TMEM178B: variants seen among roughly 807,000 people sequenced by gnomAD.
TMEM178B encodes the protein transmembrane protein 178B.
In TMEM178B, 5 loss-of-function variants were observed where a neutral mutation model predicts 31.0. The observed-to-expected ratio is 0.16, with a 90% CI of 0.08 to 0.34. The LOEUF (loss-of-function observed/expected upper bound fraction) is 0.34, where lower values mean the gene tolerates loss of function less well. Among genes scored for constraint, TMEM178B ranks in the 10% least tolerant of loss-of-function variants. The pLI, the probability that TMEM178B is intolerant of heterozygous loss-of-function variation, is 1.00. For synonymous variants in TMEM178B, 164 were observed against 164.0 expected, an observed-to-expected ratio of 1.00 and a Z score of 0.00; for missense variants, 275 against 400.3, an observed-to-expected ratio of 0.69 and a Z score of 2.67.
chr7:141,127,485 A>C (rs1034513074), intron 1 of TMEM178B, among the ~76,000 whole-genome samples: 5 of 152,184 alleles, frequency 3.3e-5, no homozygotes, highest in South Asian at 4.2e-4. Flanking sequence ...CCACAGAAGT[A>C]CAGAGACACA....
At chr7:141,488,375 T>C in the TMEM178B span, among the ~76,000 whole-genome samples, 1 of 152,240 alleles carries the variant, frequency 6.6e-6, no homozygotes, top group African/African-American at 2.4e-5. Context: ...TTAGCTATTT[T>C]GGAGGCCAAG....
intron 1 of TMEM178B, among the ~76,000 whole-genome samples, chr7:141,210,782 T>C (rs1409124247): frequency 5.9e-5 from 9 of 152,114 alleles, no homozygotes; most frequent in African/African-American, 1.9e-4. Flanking sequence ...GTCCCTCCTA[T>C]CTCGTAAGTC....
chr7:141,413,096 A>C (rs888528904), intron 2 of TMEM178B, among the ~76,000 whole-genome samples: 2 of 152,216 alleles, frequency 1.3e-5, no homozygotes, highest in Non-Finnish European at 2.9e-5. Context: ...TGGTCCGCCA[A>C]CCATGAATTT....
At chr7:141,501,734 C>T in the TMEM178B span, among the ~76,000 whole-genome samples, 1 of 152,208 alleles carries the variant, frequency 6.6e-6, no homozygotes, top group Non-Finnish European at 1.5e-5. Flanking sequence ...GGACTCAAGT[C>T]GCAACATTAA....
At position 141,220,268 on chromosome 7, in the gene TMEM178B, G is replaced by A. The variant is rs188519270; in HGVS notation, c.496+7564G>A. ...GTGGAGTTTGCAGTGAGTGGAGCTC[G>A]TGCTGCTTTACTTCAGCCTGGGTGA... On this transcript the variant is annotated intron_variant, in intron 2 of 3. Coordinates refer to ENST00000565468, the MANE Select transcript of TMEM178B (RefSeq NM_001195278.2). Among the ~76,000 whole-genome samples the A allele has an allele frequency of 1.8e-3, 272 of 151,558 alleles. 1 individual carries two copies. Among genetic ancestry groups the A allele is most frequent in the African/African-American group, 6.2e-3 (255 of 41,288 alleles).
In TMEM178B at chr7:141,444,306, G is replaced by A. The variant is rs548414998; in HGVS notation, c.634+6561G>A. 7.9e-5 allele frequency among the ~76,000 whole-genome samples: 12 copies of A among 152,148 alleles called. No individual in the cohort carries two copies. In the South Asian group the frequency reaches 1.7e-3, roughly 21 times the overall value. Reference sequence around the variant, plus strand: ...CCTTCCCTAAGGTATCACTAATGTCGGGAACAATGTCTGTGCTCTTAATAA... The same window carrying A: ...CCTTCCCTAAGGTATCACTAATGTCAGGAACAATGTCTGTGCTCTTAATAA... On this transcript the variant is annotated intron_variant, in intron 3 of 3. Coordinates refer to ENST00000565468, the MANE Select transcript of TMEM178B (RefSeq NM_001195278.2).
intron 3 of TMEM178B, among the ~76,000 whole-genome samples, chr7:141,443,890 G>C (rs1034420944): frequency 6.6e-6 from 1 of 152,056 alleles, no homozygotes; most frequent in African/African-American, 2.4e-5. Flanking sequence ...TTACACTTTG[G>C]GTTTAATCCA....
chr7:141,282,502 T>G (rs1798382763), intron 2 of TMEM178B, among the ~76,000 whole-genome samples: 1 of 152,170 alleles, frequency 6.6e-6, no homozygotes, highest in South Asian at 2.1e-4. Context: ...TCACACCATA[T>G]CCCTGAGGGT....
intron 1 of TMEM178B, among the ~76,000 whole-genome samples, chr7:141,142,153 GGT>G (rs1397682826): frequency 0.061 from 9,248 of 152,172 alleles, 946 homozygotes; most frequent in African/African-American, 0.21. Context: ...TGCAGTGTTT[GGT>G]TTTCTATTCC....
chr7:141,161,970 G>A (rs1328154226), intron 1 of TMEM178B, among the ~76,000 whole-genome samples: 2 of 152,114 alleles, frequency 1.3e-5, no homozygotes, highest in Non-Finnish European at 2.9e-5. Flanking sequence ...GAGAGTGTGT[G>A]TGTCTGTGTG....
At chr7:141,441,682 A>T (rs1387672049) in intron 3 of TMEM178B, among the ~76,000 whole-genome samples, 1 of 152,172 alleles carries the variant, frequency 6.6e-6, no homozygotes, top group Non-Finnish European at 1.5e-5. Flanking sequence ...AGTTCAAGAG[A>T]TGAAATTGCA....
At chr7:141,209,562 G>A (rs1352103260) in intron 1 of TMEM178B, among the ~76,000 whole-genome samples, 1 of 152,188 alleles carries the variant, frequency 6.6e-6, no homozygotes, top group Non-Finnish European at 1.5e-5. Context: ...TGTGCTAGGG[G>A]CTGGGAAGAT....
chr7:141,367,857 C>A (rs2116560631), intron 2 of TMEM178B, among the ~76,000 whole-genome samples: 1 of 152,008 alleles, frequency 6.6e-6, no homozygotes, highest in African/African-American at 2.4e-5. Context: ...GGGTTCCAAG[C>A]AGAGGAAAGC....
chr7:141,261,186 G>T (rs1422016933), intron 2 of TMEM178B, among the ~76,000 whole-genome samples: 1 of 152,144 alleles, frequency 6.6e-6, no homozygotes, highest in East Asian at 1.9e-4. Context: ...TTTGTTTGGG[G>T]CACAAAGTTT....
chr7:141,172,011 C>T (rs1192745959), intron 1 of TMEM178B, among the ~76,000 whole-genome samples: 2 of 152,144 alleles, frequency 1.3e-5, no homozygotes, highest in African/African-American at 4.8e-5. Context: ...GAGACAGGCA[C>T]CGTAGTAGGT....
chr7:141,359,523 T>C (rs184936872), intron 2 of TMEM178B, among the ~76,000 whole-genome samples: 2 of 152,356 alleles, frequency 1.3e-5, no homozygotes, highest in East Asian at 1.9e-4. Flanking sequence ...ATCGTGATGA[T>C]AAGCTATTCT....
At chr7:141,381,788 A>G (rs1276709141) in intron 2 of TMEM178B, among the ~76,000 whole-genome samples, 1 of 151,986 alleles carries the variant, frequency 6.6e-6, no homozygotes, top group Non-Finnish European at 1.5e-5. Flanking sequence ...AGGATGGTAC[A>G]TTTTCTATTT....
At chr7:141,150,411 C>G (rs780626245) in intron 1 of TMEM178B, among the ~76,000 whole-genome samples, 8 of 152,150 alleles carry the variant, frequency 5.3e-5, no homozygotes, top group Non-Finnish European at 1.0e-4. Context: ...AAAACTGGAC[C>G]AAAATATTTT....
intron 1 of TMEM178B, among the ~76,000 whole-genome samples, chr7:141,192,908 A>G (rs1386274008): frequency 6.6e-6 from 1 of 152,212 alleles, no homozygotes; most frequent in Non-Finnish European, 1.5e-5. Flanking sequence ...GGGGGGAGGC[A>G]TCTTATGATT....
Sources: gnomAD v4.1 joint callset for allele counts (sites outside exome capture counted in the v4.1 genomes callset) on GRCh38, gnomAD v4.1.1 for gene constraint, MANE v1.5 for transcripts, NCBI Gene and HGNC (gene_info 2026-07-23, HGNC 2026-07-21) for gene names.